AHI1: variants seen among roughly 807,000 people sequenced by gnomAD.
AHI1 encodes jouberin.
Under a neutral mutation model 149.3 loss-of-function variants are expected in AHI1, and 123 were observed. That is an observed-to-expected ratio of 0.82 (90% CI 0.71 to 0.96). The LOEUF (loss-of-function observed/expected upper bound fraction) is 0.96, where lower values mean the gene tolerates loss of function less well. Among genes scored for constraint, AHI1 ranks in the 40% least tolerant of loss-of-function variants. The pLI, the probability that AHI1 is intolerant of heterozygous loss-of-function variation, is 0.00. For synonymous variants in AHI1, 475 were observed against 459.8 expected (o/e 1.03, Z -0.42); for missense variants, 1,439 against 1,422.7 (o/e 1.01, Z -0.18).
At chr6:135,457,152 C>G (rs1267157048) in intron 9 of AHI1, among the ~76,000 whole-genome samples, 1 of 151,950 alleles carries the variant, frequency 6.6e-6, no homozygotes, top group Non-Finnish European at 1.5e-5. Context: ...GGAGTGGTGG[C>G]GAGTGCCTGT....
At chr6:135,301,575 G>C in intron 26 of AHI1, 1 of 985,424 alleles carries the variant, frequency 1.0e-6, no homozygotes, top group African/African-American at 1.7e-5. Flanking sequence ...CAGATTTCAA[G>C]AGGATATTAT....
At chr6:135,389,445 T>G (rs1778144928) in intron 23 of AHI1, among the ~76,000 whole-genome samples, 1 of 152,196 alleles carries the variant, frequency 6.6e-6, no homozygotes, top group African/African-American at 2.4e-5. Flanking sequence ...TCAAATATTT[T>G]CACTGTGAAG....
Position 135,437,121 on chromosome 6 carries a change from C to T in AHI1, c.2036+1254G>A, listed in dbSNP as rs148081741. On this transcript the variant is annotated intron_variant, in intron 15 of 28. Coordinates refer to ENST00000265602, the MANE Select transcript of AHI1 (RefSeq NM_001134831.2). ...AGGAGGGAAATCAGAGGGAAATATA[C>T]GAAGATCATGTCTGACTAAATTTCA... is the stretch of plus-strand genomic sequence containing the variant. Among the ~76,000 whole-genome samples the T allele has an allele frequency of 1.6e-3, 242 of 152,202 alleles. 1 individual carries two copies. In the East Asian group the frequency reaches 0.035, roughly 22 times the overall value.
intron 22 of AHI1, 120 bp downstream of exon 22, chr6:135,404,831 T>C (rs1780526642): frequency 1.2e-6 from 1 of 845,902 alleles, no homozygotes; most frequent in Admixed American, 2.1e-5. Flanking sequence ...GCTCCAATAA[T>C]GAAAGTACAC....
intron 16 of AHI1, among the ~76,000 whole-genome samples, chr6:135,431,845 T>C (rs1360952634): frequency 6.6e-6 from 1 of 152,180 alleles, no homozygotes; most frequent in Non-Finnish European, 1.5e-5. Context: ...CAGATGGCTG[T>C]TCAGCAACTG....
intron 15 of AHI1, among the ~76,000 whole-genome samples, chr6:135,433,892 C>G (rs1239234270): frequency 1.3e-5 from 2 of 151,864 alleles, no homozygotes; most frequent in African/African-American, 2.4e-5. Context: ...TTATCCTGTC[C>G]TCTAAATAAT....
chr6:135,285,680 A>G (rs777982682), intron 28 of AHI1, 33 bp from the exon 29 acceptor site: 29 of 1,565,262 alleles, frequency 1.9e-5, no homozygotes, highest in Non-Finnish European at 2.5e-5. Flanking sequence ...TGTACTAAAT[A>G]AACTTGAATA....
chr6:135,328,108 TG>T (rs1787979350), intron 24 of AHI1, among the ~76,000 whole-genome samples: 1 of 152,134 alleles, frequency 6.6e-6, no homozygotes, highest in South Asian at 2.1e-4. Flanking sequence ...GGGGCAGTCT[TG>T]GGGACTGAGC....
At chr6:135,366,626 G>A (rs1362695682) in intron 23 of AHI1, among the ~76,000 whole-genome samples, 1 of 152,122 alleles carries the variant, frequency 6.6e-6, no homozygotes, top group Non-Finnish European at 1.5e-5. Context: ...TGGTTTGGTT[G>A]TAATATCCCC....
chr6:135,336,141 A>G (rs945889672), intron 24 of AHI1, among the ~76,000 whole-genome samples: 83 of 150,758 alleles, frequency 5.5e-4, no homozygotes, highest in Non-Finnish European at 5.3e-4. Flanking sequence ...AAAAAATTCC[A>G]TATTTATAAA....
intron 24 of AHI1, among the ~76,000 whole-genome samples, chr6:135,334,965 T>C (rs1379460921): frequency 6.6e-6 from 1 of 152,252 alleles, no homozygotes; most frequent in Admixed American, 6.5e-5. Flanking sequence ...AATTCTGATG[T>C]ACCTAACGTT....
intron 23 of AHI1, among the ~76,000 whole-genome samples, chr6:135,382,741 TAA>T (rs1776938324): frequency 6.6e-6 from 1 of 151,460 alleles, no homozygotes; most frequent in Non-Finnish European, 1.5e-5. Context: ...TTTAATTTTT[TAA>T]AAAGTTACTC....
intron 3 of AHI1, chr6:135,492,860 T>C: frequency 1.0e-6 from 1 of 985,354 alleles, no homozygotes. Flanking sequence ...TTCAACTCAG[T>C]ATGTATATTA....
At chr6:135,418,944 A>ATTT (rs560654045) in intron 20 of AHI1, among the ~76,000 whole-genome samples, 2 of 141,392 alleles carry the variant, frequency 1.4e-5, no homozygotes, top group African/African-American at 2.6e-5. Flanking sequence ...AGTACTTATA[A>ATTT]TTTTTTTTTT....
intron 9 of AHI1, 60 bp downstream of exon 9, chr6:135,457,434 G>T (rs1355578467): frequency 4.4e-5 from 59 of 1,337,150 alleles, no homozygotes; most frequent in Non-Finnish European, 5.9e-5. Flanking sequence ...ACCAATGGCA[G>T]AAAAAAGACT....
At chr6:135,358,040 T>G in intron 24 of AHI1, 92 bp downstream of exon 24, 1 of 1,178,478 alleles carries the variant, frequency 8.5e-7, no homozygotes, top group Non-Finnish European at 1.2e-6. Flanking sequence ...CAAAAAGGTT[T>G]TAAGAGTTTT....
At chr6:135,425,596 T>C (rs1454179546) in intron 20 of AHI1, among the ~76,000 whole-genome samples, 1 of 151,880 alleles carries the variant, frequency 6.6e-6, no homozygotes, top group Admixed American at 6.6e-5. Flanking sequence ...ATACCTCTCT[T>C]AGGTAGGACA....
rs773032382 is a variant in AHI1, at chr6:135,453,338, T to C, written c.1440+3A>G. 5 of 1,553,596 alleles carry C rather than the reference T, an allele frequency of 3.2e-6. No homozygotes were observed. The highest frequency in any genetic ancestry group is 4.8e-5 in the East Asian group (2 of 41,648). ...AAGTGTTTAAAATGGATGAAAAACA[T>C]ACCTTAAGAAATGCCCAGGCAATTT... On this transcript the variant is annotated splice_donor_region_variant and intron_variant, in intron 11 of 28. Transcript: ENST00000265602.
Position 135,457,683 on chromosome 6 carries a change from T to C in AHI1, c.962A>G (p.Asp321Gly). Residue 321 changes from aspartate (D) to glycine (G), a missense_variant, in exon 9 of 29, where the codon GAT becomes GGT. Transcript: ENST00000265602. ...TCGGCTTGTTATTTCATGAACACCA[T>C]CACCATCAACATCTTCATTATTATC... ...VADNNEDVDG[D>G]GVHEITSRDS... 1 of 1,613,838 alleles carries C rather than the reference T, an allele frequency of 6.2e-7. No homozygotes were observed. Among genetic ancestry groups the C allele is most frequent in the Non-Finnish European group, 8.5e-7 (1 of 1,179,814 alleles).
Sources: allele counts gnomAD v4.1 joint callset (sites outside exome capture counted in the v4.1 genomes callset), GRCh38; gene constraint gnomAD v4.1.1; transcripts MANE v1.5; gene names NCBI Gene and HGNC (gene_info 2026-07-23, HGNC 2026-07-21).